The following PFKFB3 variants were observed in gnomAD, a reference collection of about 807,000 sequenced individuals.
PFKFB3 encodes the protein 6-phosphofructo-2-kinase/fructose-2,6-bisphosphatase 3.
Under a neutral mutation model 68.0 loss-of-function variants are expected in PFKFB3, and 33 were observed. The ratio of observed to expected loss-of-function variants is 0.49; its 90% CI spans 0.37 to 0.65. The LOEUF (loss-of-function observed/expected upper bound fraction) is 0.65. Ranked by LOEUF, PFKFB3 falls within the 30% of genes least tolerant of loss-of-function variation. The probability of loss-of-function intolerance (pLI) is 0.00; values close to 1 mark genes in which losing one functional copy is unlikely to be tolerated. For synonymous variants in PFKFB3, 315 were observed against 288.2 expected (o/e 1.09, Z -0.94); for missense variants, 586 against 712.2 (o/e 0.82, Z 2.02).
intron 1 of PFKFB3, among the ~76,000 whole-genome samples, chr10:6,196,643 G>A (rs1024234228): frequency 1.3e-5 from 2 of 152,110 alleles, no homozygotes; most frequent in East Asian, 3.9e-4. Flanking sequence ...GTCTTTCCAC[G>A]GTCTTCTGCC....
intron 14 of PFKFB3, among the ~76,000 whole-genome samples, chr10:6,250,620 AG>A (rs1049776662): frequency 4.0e-5 from 6 of 150,682 alleles, no homozygotes; most frequent in African/African-American, 1.5e-4. Flanking sequence ...TTAGGCCCTG[AG>A]GGCTCCTCCC....
chr10:6,300,474 C>T, the PFKFB3 span, among the ~76,000 whole-genome samples: 3 of 152,192 alleles, frequency 2.0e-5, no homozygotes, highest in African/African-American at 7.2e-5. Context: ...CGGCAGCTCC[C>T]TCTCTCTGTG....
At chr10:6,281,175 A>ATATATATATATATATG in the PFKFB3 span, among the ~76,000 whole-genome samples, 2 of 127,572 alleles carry the variant, frequency 1.6e-5, 1 homozygote, top group South Asian at 5.1e-4. Flanking sequence ...TCATATATAT[A>ATATATATATATATATG]TATATATACA....
the PFKFB3 span, among the ~76,000 whole-genome samples, chr10:6,314,592 C>T: frequency 2.0e-5 from 3 of 152,170 alleles, no homozygotes; most frequent in Non-Finnish European, 4.4e-5. Flanking sequence ...CTTCTTCAAC[C>T]CCCCACTCTA....
intron 1 of PFKFB3, among the ~76,000 whole-genome samples, chr10:6,150,152 C>A (rs1841529044): frequency 6.6e-6 from 1 of 152,164 alleles, no homozygotes; most frequent in Non-Finnish European, 1.5e-5. Flanking sequence ...CATAACCAGA[C>A]CGGAACACTC....
chr10:6,283,655 C>T, the PFKFB3 span, among the ~76,000 whole-genome samples: 3 of 152,314 alleles, frequency 2.0e-5, no homozygotes, highest in South Asian at 6.2e-4. Flanking sequence ...ATCAGACCAA[C>T]CTTGTTCAGT....
chr10:6,147,156 A>C (rs534983865), intron 1 of PFKFB3, among the ~76,000 whole-genome samples: 3 of 152,330 alleles, frequency 2.0e-5, no homozygotes, highest in African/African-American at 7.2e-5. Flanking sequence ...CCTGGAGGGG[A>C]CAAGGTCCTC....
the PFKFB3 span, among the ~76,000 whole-genome samples, chr10:6,321,337 GTTTT>G: frequency 6.6e-6 from 1 of 151,512 alleles, no homozygotes; most frequent in Non-Finnish European, 1.5e-5. Flanking sequence ...ATTCTCTGTT[GTTTT>G]TTTAAGTTCT....
At chr10:6,314,573 A>G in the PFKFB3 span, among the ~76,000 whole-genome samples, 2 of 152,208 alleles carry the variant, frequency 1.3e-5, no homozygotes, top group Admixed American at 6.5e-5. Context: ...CTGTGCCATT[A>G]TATGATGACT....
chr10:6,263,074 G>T, the PFKFB3 span, among the ~76,000 whole-genome samples: 1 of 152,208 alleles, frequency 6.6e-6, no homozygotes, highest in Non-Finnish European at 1.5e-5. Context: ...GAAATTAGGG[G>T]TCTCATAGCC....
At chr10:6,322,510 C>T in the PFKFB3 span, among the ~76,000 whole-genome samples, 1 of 152,354 alleles carries the variant, frequency 6.6e-6, no homozygotes, top group East Asian at 1.9e-4. Flanking sequence ...CACATTATCT[C>T]ACTTCCTTGC....
the PFKFB3 span, among the ~76,000 whole-genome samples, chr10:6,307,295 T>C: frequency 1.3e-5 from 2 of 150,096 alleles, no homozygotes; most frequent in Non-Finnish European, 3.0e-5. Flanking sequence ...CACACACACA[T>C]GCATGCATGC....
intron 1 of PFKFB3, among the ~76,000 whole-genome samples, chr10:6,179,862 G>A (rs952994747): frequency 6.6e-6 from 1 of 152,126 alleles, no homozygotes; most frequent in Non-Finnish European, 1.5e-5. Context: ...GTTCCCAGGT[G>A]ATAAGTGATG....
chr10:6,183,751 G>A (rs751618754), intron 1 of PFKFB3, among the ~76,000 whole-genome samples: 20 of 147,508 alleles, frequency 1.4e-4, no homozygotes, highest in East Asian at 4.0e-4. Flanking sequence ...GCAGTGGCGT[G>A]ATCTCGGCTC....
At chr10:6,156,707 C>T (rs147475123) in intron 1 of PFKFB3, among the ~76,000 whole-genome samples, 19,699 of 148,874 alleles carry the variant, frequency 0.13, 1,668 homozygotes, top group East Asian at 0.48. Context: ...AGGCTGGTCT[C>T]GAATCCCTGA....
intron 1 of PFKFB3, among the ~76,000 whole-genome samples, chr10:6,211,976 G>T (rs1246107169): frequency 6.6e-6 from 1 of 152,240 alleles, no homozygotes; most frequent in Non-Finnish European, 1.5e-5. Context: ...TTACAGAGGG[G>T]CTTCTTTCCT....
chr10:6,282,412 T>C, the PFKFB3 span, among the ~76,000 whole-genome samples: 1 of 152,190 alleles, frequency 6.6e-6, no homozygotes, highest in South Asian at 2.1e-4. Flanking sequence ...TCTGACTCAG[T>C]GTGTCTGTTG....
At chr10:6,177,386 T>TCTTTC (rs1472385274) in intron 1 of PFKFB3, among the ~76,000 whole-genome samples, 1 of 113,174 alleles carries the variant, frequency 8.8e-6, no homozygotes, top group Non-Finnish European at 2.1e-5. Flanking sequence ...CTTTCTTTCT[T>TCTTTC]TCTTTCTTTC....
intron 1 of PFKFB3, among the ~76,000 whole-genome samples, chr10:6,195,724 G>GT (rs1237507042): frequency 2.6e-5 from 4 of 152,244 alleles, no homozygotes; most frequent in African/African-American, 9.6e-5. Flanking sequence ...GAGAAGGTAG[G>GT]TGGGAGTTAG....
Sources: gnomAD v4.1 joint callset for allele counts (sites outside exome capture counted in the v4.1 genomes callset) on GRCh38, gnomAD v4.1.1 for gene constraint, MANE v1.5 for transcripts, NCBI Gene and HGNC (gene_info 2026-07-23, HGNC 2026-07-21) for gene names.